MLIP: variants seen among roughly 807,000 people sequenced by gnomAD.
The protein encoded by MLIP is muscular LMNA-interacting protein.
MLIP carries 79 observed loss-of-function variants against 84.8 expected under a neutral mutation model. The observed-to-expected ratio is 0.93, with a 90% CI of 0.78 to 1.12. MLIP has a LOEUF of 1.12. MLIP is among the 50% of genes most tolerant of loss of function. The pLI, the probability that MLIP is intolerant of heterozygous loss-of-function variation, is 0.00. For missense variants in MLIP, 1,257 were observed against 1,160.6 expected (o/e 1.08, Z -1.21); for synonymous variants, 504 against 463.0 (o/e 1.09, Z -1.14).
intron 9 of MLIP, among the ~76,000 whole-genome samples, chr6:54,186,280 C>T (rs1484432814): frequency 6.6e-6 from 1 of 152,118 alleles, no homozygotes; most frequent in Non-Finnish European, 1.5e-5. Context: ...ATTTTAGGAA[C>T]ATAACTTATT....
chr6:54,140,528 G>GA (rs969603885), intron 4 of MLIP, among the ~76,000 whole-genome samples: 4 of 151,584 alleles, frequency 2.6e-5, no homozygotes, highest in Admixed American at 6.6e-5. Flanking sequence ...TCTTTGAACA[G>GA]AAAAAAAAGC....
chr6:54,209,573 G>T (rs1191802598), intron 11 of MLIP, among the ~76,000 whole-genome samples: 1 of 152,142 alleles, frequency 6.6e-6, no homozygotes, highest in Non-Finnish European at 1.5e-5. Context: ...CAAAGTTGGT[G>T]TTTCTTTAGG....
chr6:54,192,202 C>A (rs1777984953), intron 10 of MLIP, among the ~76,000 whole-genome samples: 1 of 130,420 alleles, frequency 7.7e-6, no homozygotes, highest in African/African-American at 2.7e-5. Flanking sequence ...GAGTTCAAGG[C>A]ATTTCTTAAC....
In MLIP at chr6:54,137,645, A is replaced by T. The variant is rs1201082081; in HGVS notation, c.1576A>T (p.Thr526Ser). Residue 526 changes from threonine (T) to serine (S), a missense_variant, in exon 4 of 14, where the codon ACA becomes TCA. Thr to Ser is a moderately conservative substitution (Grantham distance 58). Transcript: ENST00000502396. ...SSLASMNVER[T>S]PSPTLKSNTM... ...CCTTGCTTCCATGAATGTAGAGAGA[A>T]CACCATCACCTACTTTGAAGAGCAA... The T allele has an allele frequency of 6.5e-7, 1 of 1,535,954 alleles. No homozygotes were observed. Among genetic ancestry groups the T allele is most frequent in the Non-Finnish European group, 8.7e-7 (1 of 1,146,888 alleles).
chr6:54,247,577 T>G (rs556858823), intron 12 of MLIP, among the ~76,000 whole-genome samples: 1 of 152,150 alleles, frequency 6.6e-6, no homozygotes, highest in East Asian at 1.9e-4. Context: ...AAGGAGATGG[T>G]AAAAGGGTCA....
At chr6:54,081,471 G>C (rs1262103239) in intron 1 of MLIP, among the ~76,000 whole-genome samples, 1 of 152,058 alleles carries the variant, frequency 6.6e-6, no homozygotes, top group Non-Finnish European at 1.5e-5. Flanking sequence ...GCAATGGCGC[G>C]ATCTCCGCTC....
rs186253248 is a variant in MLIP, at chr6:54,139,844, T to C, written c.2217+1558T>C. Among the ~76,000 whole-genome samples the C allele has an allele frequency of 2.1e-3, 318 of 152,264 alleles. 2 individuals carry two copies. Among genetic ancestry groups the C allele is most frequent in the Non-Finnish European group, 3.5e-3 (240 of 67,980 alleles). On this transcript the variant is annotated intron_variant, in intron 4 of 13. Transcript: ENST00000502396. ...TCATGTTAGCAATTTAGCCTGACTTTACAATTCTCATGAAGAAAATCATTA... is the reference window on the plus strand; with the variant it reads ...TCATGTTAGCAATTTAGCCTGACTTCACAATTCTCATGAAGAAAATCATTA...
intron 1 of MLIP, among the ~76,000 whole-genome samples, chr6:54,102,319 A>G (rs1768712146): frequency 6.6e-6 from 1 of 152,186 alleles, no homozygotes; most frequent in Middle Eastern, 3.2e-3. Flanking sequence ...ATTAAATGGT[A>G]TGTATGTGTA....
chr6:54,239,785 T>TAAAAATA (rs1205470330), intron 12 of MLIP, among the ~76,000 whole-genome samples: 1 of 151,780 alleles, frequency 6.6e-6, no homozygotes. Context: ...AGATTCTGTC[T>TAAAAATA]AAAAATAAAA....
chr6:54,167,739 C>A (rs1393510856), intron 8 of MLIP, among the ~76,000 whole-genome samples: 1 of 151,748 alleles, frequency 6.6e-6, no homozygotes, highest in African/African-American at 2.4e-5. Flanking sequence ...GGAGCACTAG[C>A]CAGAAAAAAC....
rs919301946 is a variant in MLIP, at chr6:54,261,779, T to C, written c.2977-4171T>C. ...CTCATTTTCTGGTTTGATTCAAGGG[T>C]AAAAATAAAATTATCAAGAGAAAAA... On this transcript the variant is annotated intron_variant, in intron 13 of 13. Transcript: ENST00000502396. 4 of 969,870 alleles carry C rather than the reference T, an allele frequency of 4.1e-6. No homozygotes were observed. The Admixed American group carries it at 1.9e-4, about 45-fold the overall frequency. The allele number at this position is 969,870 out of a possible 1,614,324, so 60.1% of individuals were successfully genotyped here. A position where few individuals can be genotyped will look rare whatever the true frequency, so the allele number is the denominator to read the frequency against.
chr6:54,232,896 G>T (rs888205893), intron 12 of MLIP, among the ~76,000 whole-genome samples: 1 of 152,176 alleles, frequency 6.6e-6, no homozygotes, highest in Non-Finnish European at 1.5e-5. Flanking sequence ...TCCCTCTTCA[G>T]CTGGGCTACA....
intron 1 of MLIP, among the ~76,000 whole-genome samples, chr6:54,116,182 G>A (rs1769903853): frequency 1.3e-5 from 2 of 152,114 alleles, no homozygotes; most frequent in Admixed American, 1.3e-4. Context: ...TAAAAGGGTG[G>A]CAGGGATTGA....
chr6:54,091,737 G>T (rs1361424305), intron 1 of MLIP, among the ~76,000 whole-genome samples: 1 of 152,152 alleles, frequency 6.6e-6, no homozygotes, highest in Admixed American at 6.6e-5. Flanking sequence ...AGGATCTATT[G>T]TCATGATCCT....
At chr6:54,196,488 A>G (rs1582470008) in intron 10 of MLIP, among the ~76,000 whole-genome samples, 1 of 152,076 alleles carries the variant, frequency 6.6e-6, no homozygotes, top group Non-Finnish European at 1.5e-5. Flanking sequence ...TTCCAGCTCC[A>G]TTCATGTCCC....
intron 8 of MLIP, among the ~76,000 whole-genome samples, chr6:54,166,183 A>G (rs150485629): frequency 3.3e-4 from 50 of 152,110 alleles, no homozygotes; most frequent in Middle Eastern, 3.4e-3. Flanking sequence ...ACAGCTACAG[A>G]TGCAAGAATG....
rs190728797 is a variant in MLIP at position 54,252,169 on chromosome 6, T to C, written c.2923-5139T>C. On this transcript the variant is annotated intron_variant, in intron 12 of 13. Transcript: ENST00000502396. Reference sequence around the variant, plus strand: ...TAATATAACATATAATATATAACTATATTATAACATAATATATAACTATAA... The same window carrying C: ...TAATATAACATATAATATATAACTACATTATAACATAATATATAACTATAA... 1.7e-3 allele frequency among the ~76,000 whole-genome samples: 169 copies of C among 98,476 alleles called. 3 individuals are homozygous for C. The highest frequency in any genetic ancestry group is 8.9e-3 in the African/African-American group (164 of 18,438). The allele number at this position is 98,476 out of a possible 152,430, so 64.6% of individuals were successfully genotyped here. A position where few individuals can be genotyped will look rare whatever the true frequency, so the allele number is the denominator to read the frequency against.
intron 1 of MLIP, among the ~76,000 whole-genome samples, chr6:54,036,555 G>C (rs1358999284): frequency 6.6e-6 from 1 of 151,986 alleles, no homozygotes; most frequent in Non-Finnish European, 1.5e-5. Flanking sequence ...CAGCAATAAT[G>C]AGTGTTAATG....
At chr6:54,046,245 G>C (rs1240176676) in intron 1 of MLIP, 3 of 147,900 alleles carry the variant, frequency 2.0e-5, no homozygotes, top group Non-Finnish European at 4.4e-5. Context: ...ACCAATAAAG[G>C]CTATCCTTAA....
Sources: gnomAD v4.1 joint callset for allele counts (sites outside exome capture counted in the v4.1 genomes callset) on GRCh38, gnomAD v4.1.1 for gene constraint, MANE v1.5 for transcripts, NCBI Gene and HGNC (gene_info 2026-07-23, HGNC 2026-07-21) for gene names.